LCLAT1: variants seen among roughly 807,000 people sequenced by gnomAD.
LCLAT1 encodes 1-AGP acyltransferase 8.
Under a neutral mutation model 30.7 loss-of-function variants are expected in LCLAT1, and 11 were observed. The observed-to-expected ratio is 0.36, with a 90% CI of 0.23 to 0.59. The LOEUF (loss-of-function observed/expected upper bound fraction) is 0.59. Among genes scored for constraint, LCLAT1 ranks in the 20% least tolerant of loss-of-function variants. The probability of loss-of-function intolerance (pLI) is 0.77; values close to 1 mark genes in which losing one functional copy is unlikely to be tolerated. For synonymous variants in LCLAT1, 155 were observed against 151.3 expected (o/e 1.02, Z -0.18); for missense variants, 402 against 458.6 (o/e 0.88, Z 1.13).
chr2:30,491,486 C>T (rs937642867), intron 1 of LCLAT1, among the ~76,000 whole-genome samples: 1 of 152,094 alleles, frequency 6.6e-6, no homozygotes, highest in Admixed American at 6.5e-5. Context: ...TAGTTTGCCT[C>T]CAGAGCCTGT....
At chr2:30,618,282 TTTG>T (rs1193899807) in intron 5 of LCLAT1, among the ~76,000 whole-genome samples, 2 of 152,154 alleles carry the variant, frequency 1.3e-5, no homozygotes, top group Admixed American at 6.6e-5. Context: ...TTAGAATCAG[TTTG>T]TTAATTTATA....
intron 5 of LCLAT1, among the ~76,000 whole-genome samples, chr2:30,610,512 T>C (rs1039143573): frequency 2.0e-5 from 3 of 152,182 alleles, no homozygotes; most frequent in Non-Finnish European, 4.4e-5. Context: ...CACCAGAGGA[T>C]TGTGAATATT....
chr2:30,513,844 T>G (rs904814629), intron 1 of LCLAT1, among the ~76,000 whole-genome samples: 5 of 152,328 alleles, frequency 3.3e-5, no homozygotes, highest in Admixed American at 3.3e-4. Context: ...TTGTCCCGCC[T>G]TTCCAGATAG....
intron 5 of LCLAT1, among the ~76,000 whole-genome samples, chr2:30,609,307 A>T (rs1307430917): frequency 6.6e-6 from 1 of 151,332 alleles, no homozygotes; most frequent in African/African-American, 2.4e-5. Context: ...GTTTTTAAAA[A>T]CCTTTCTTGT....
chr2:30,486,565 C>G (rs1474687813), intron 1 of LCLAT1, among the ~76,000 whole-genome samples: 1 of 152,158 alleles, frequency 6.6e-6, no homozygotes, highest in Non-Finnish European at 1.5e-5. Flanking sequence ...ATGGTTCCCT[C>G]CTTCCCAGTT....
intron 1 of LCLAT1, among the ~76,000 whole-genome samples, chr2:30,471,489 C>T (rs940026132): frequency 1.3e-5 from 2 of 152,208 alleles, no homozygotes; most frequent in Non-Finnish European, 2.9e-5. Flanking sequence ...GGATCACAGG[C>T]GTGAGCCACT....
intron 5 of LCLAT1, among the ~76,000 whole-genome samples, chr2:30,625,151 A>G (rs1668443856): frequency 6.6e-6 from 1 of 152,218 alleles, no homozygotes; most frequent in South Asian, 2.1e-4. Context: ...AGTCTGAAAG[A>G]GCACAGACAA....
chr2:30,618,158 G>A (rs143842767), intron 5 of LCLAT1, among the ~76,000 whole-genome samples: 9 of 152,124 alleles, frequency 5.9e-5, no homozygotes, highest in East Asian at 1.9e-4. Flanking sequence ...ATATTGTCTC[G>A]ATTACTGAAC....
At chr2:30,590,057 G>GT (rs1232352039) in intron 5 of LCLAT1, among the ~76,000 whole-genome samples, 1 of 152,076 alleles carries the variant, frequency 6.6e-6, no homozygotes, top group African/African-American at 2.4e-5. Context: ...TCTGCCTTCA[G>GT]TGTTGCCTTT....
chr2:30,626,872 C>T (rs1668537132), intron 5 of LCLAT1, among the ~76,000 whole-genome samples: 1 of 151,824 alleles, frequency 6.6e-6, no homozygotes, highest in East Asian at 1.9e-4. Context: ...TATCTTTTAT[C>T]CATGGGTTAT....
At chr2:30,552,027 T>C (rs1241740383) in intron 3 of LCLAT1, among the ~76,000 whole-genome samples, 1 of 152,224 alleles carries the variant, frequency 6.6e-6, no homozygotes, top group East Asian at 1.9e-4. Flanking sequence ...GGAATTAAGA[T>C]GTGGACATCT....
chr2:30,577,565 A>AG (rs1344390794), intron 5 of LCLAT1, among the ~76,000 whole-genome samples: 1 of 152,148 alleles, frequency 6.6e-6, no homozygotes, highest in Non-Finnish European at 1.5e-5. Context: ...TCTTTTTCAT[A>AG]GGAAATGGTA....
At chr2:30,584,124 G>A (rs1666326425) in intron 5 of LCLAT1, among the ~76,000 whole-genome samples, 1 of 152,050 alleles carries the variant, frequency 6.6e-6, no homozygotes, top group African/African-American at 2.4e-5. Context: ...AACATGCAGT[G>A]TTTGTTTTTA....
rs760622200 is a variant in LCLAT1 at position 30,461,770 on chromosome 2, C to CCTTTTTTTTTTTTT, written c.-5+14387_-5+14388insCTTTTTTTTTTTTT. Among the ~76,000 whole-genome samples, 164 of 131,672 alleles carry CCTTTTTTTTTTTTT rather than the reference C, an allele frequency of 1.2e-3. 2 individuals are homozygous for CCTTTTTTTTTTTTT. The highest frequency in any genetic ancestry group is 2.3e-3 in the East Asian group (10 of 4,334). 86.4% of individuals were successfully genotyped at this position (131,672 alleles called of 152,430 possible). A position where few individuals can be genotyped will look rare whatever the true frequency, so the allele number is the denominator to read the frequency against. The stretch of plus-strand genomic sequence containing the variant: ...TGTGGACCACTTTTTCTAAATTAAA[C>CCTTTTTTTTTTTTT]TTTTTTTTTTTTTTTTTTGAGACGG... On this transcript the variant is annotated intron_variant, in intron 1 of 5. Coordinates refer to ENST00000379509, the MANE Select transcript of LCLAT1 (RefSeq NM_001002257.3).
intron 5 of LCLAT1, among the ~76,000 whole-genome samples, chr2:30,614,567 A>G (rs1667902046): frequency 6.6e-6 from 1 of 152,106 alleles, no homozygotes. Flanking sequence ...TGCAACAAAG[A>G]CTGTGGTAAG....
At chr2:30,461,802 G>A (rs1307216846) in intron 1 of LCLAT1, among the ~76,000 whole-genome samples, 2 of 112,298 alleles carry the variant, frequency 1.8e-5, no homozygotes, top group Non-Finnish European at 3.7e-5. Context: ...ACGGAGTCTC[G>A]CTCTGTCGCC....
In LCLAT1 at chr2:30,643,535, G is replaced by C; in HGVS notation, c.*2916G>C. On this transcript the variant is annotated 3_prime_UTR_variant, in exon 6 of 6. Coordinates refer to ENST00000379509, the MANE Select transcript of LCLAT1 (RefSeq NM_001002257.3). ...AAACTCAGATTCAAGGGAAATACCA[G>C]CTTCCACTTGAGTCACTTTGAAATA... 1 of 152,438 alleles carries C rather than the reference G, an allele frequency of 6.6e-6. No homozygotes were observed. Among genetic ancestry groups the C allele is most frequent in the Non-Finnish European group, 1.5e-5 (1 of 68,028 alleles). The allele number at this position is 152,438 out of a possible 1,614,324, so 9.4% of individuals were successfully genotyped here.
In LCLAT1 at chr2:30,640,853, C is replaced by T. The variant is rs1669269603; in HGVS notation, c.*234C>T. On this transcript the variant is annotated 3_prime_UTR_variant, in exon 6 of 6. Coordinates refer to ENST00000379509, the MANE Select transcript of LCLAT1 (RefSeq NM_001002257.3). Reference sequence around the variant, plus strand: ...GCAGGGAGTGATCGGGGTGAAATAACTTGGGCCAGAATATTATTAAACAAT... The same window carrying T: ...GCAGGGAGTGATCGGGGTGAAATAATTTGGGCCAGAATATTATTAAACAAT... The T allele has an allele frequency of 2.3e-6, 1 of 438,638 alleles. No individual in the cohort carries two copies. Among genetic ancestry groups the T allele is most frequent in the African/African-American group, 2.1e-5 (1 of 48,686 alleles). The allele number at this position is 438,638 out of a possible 1,614,324, so 27.2% of individuals were successfully genotyped here.
intron 1 of LCLAT1, among the ~76,000 whole-genome samples, chr2:30,459,294 C>G (rs778983356): frequency 6.6e-6 from 1 of 152,186 alleles, no homozygotes; most frequent in African/African-American, 2.4e-5. Context: ...CCAGTGTTAA[C>G]ATTTCAGCTG....
Sources: gnomAD v4.1 joint callset for allele counts (sites outside exome capture counted in the v4.1 genomes callset) on GRCh38, gnomAD v4.1.1 for gene constraint, MANE v1.5 for transcripts, NCBI Gene and HGNC (gene_info 2026-07-23, HGNC 2026-07-21) for gene names.